GRAMD2B: variants seen among roughly 807,000 people sequenced by gnomAD.
GRAMD2B encodes the protein GRAM domain-containing protein 2B.
GRAMD2B carries 41 observed loss-of-function variants against 59.2 expected under a neutral mutation model. The ratio of observed to expected loss-of-function variants is 0.69; its 90% CI spans 0.54 to 0.90. The LOEUF (loss-of-function observed/expected upper bound fraction) is 0.90, where lower values mean the gene tolerates loss of function less well. GRAMD2B is among the 40% of genes least tolerant of loss of function. The pLI is 0.00. For synonymous variants in GRAMD2B, 161 were observed against 182.7 expected (o/e 0.88, Z 0.96); for missense variants, 424 against 500.5 (o/e 0.85, Z 1.46).
intron 2 of GRAMD2B, 43 bp from the exon 3 acceptor site, chr5:126,469,634 A>T: frequency 7.0e-7 from 1 of 1,432,948 alleles, no homozygotes; most frequent in Non-Finnish European, 9.7e-7. Context: ...AACTGTCTCA[A>T]AAAAAAATTA....
intron 1 of GRAMD2B, among the ~76,000 whole-genome samples, chr5:126,450,746 G>T (rs945630476): frequency 2.6e-5 from 4 of 152,004 alleles, no homozygotes; most frequent in African/African-American, 9.7e-5. Context: ...TACAGCTCGG[G>T]CTGCCACTCC....
chr5:126,464,211 C>T (rs1024712867), intron 1 of GRAMD2B, among the ~76,000 whole-genome samples: 2 of 152,140 alleles, frequency 1.3e-5, no homozygotes, highest in South Asian at 2.1e-4. Context: ...GCATTTCCTG[C>T]CTGCACAGTC....
Position 126,466,148 on chromosome 5 carries a change from G to C in GRAMD2B, c.203+603G>C. 3 of 1,284,320 alleles carry C rather than the reference G, an allele frequency of 2.3e-6. No individual in the cohort carries two copies. In the South Asian group the frequency reaches 4.6e-5, roughly 20 times the overall value. The allele number at this position is 1,284,320 out of a possible 1,614,324, so 79.6% of individuals were successfully genotyped here. A position where few individuals can be genotyped will look rare whatever the true frequency, so the allele number is the denominator to read the frequency against. On this transcript the variant is annotated intron_variant, in intron 2 of 13. Coordinates refer to ENST00000285689, the MANE Select transcript of GRAMD2B (RefSeq NM_023927.4). Reference sequence around the variant, plus strand: ...CGGTTAAACCAACAGTGTGTGATGGGTGAGTGCAGTTTATCTAAACTGAGT... The same window carrying C: ...CGGTTAAACCAACAGTGTGTGATGGCTGAGTGCAGTTTATCTAAACTGAGT...
chr5:126,451,698 C>T (rs143800915), intron 1 of GRAMD2B, among the ~76,000 whole-genome samples: 14 of 152,190 alleles, frequency 9.2e-5, no homozygotes, highest in East Asian at 1.9e-4. Context: ...GGGGGGCCAG[C>T]GGCAGAATGA....
At chr5:126,420,054 C>A (rs77466576), upstream of GRAMD2B, among the ~76,000 whole-genome samples, 312 of 103,622 alleles carry the variant, frequency 3.0e-3, no homozygotes, top group South Asian at 5.8e-3. Flanking sequence ...GACTCTTTCT[C>A]AAAAAAAAAA....
chr5:126,442,664 C>T (rs371086515), intron 1 of GRAMD2B, among the ~76,000 whole-genome samples: 1 of 152,128 alleles, frequency 6.6e-6, no homozygotes, highest in East Asian at 1.9e-4. Flanking sequence ...GAGCCCCCTG[C>T]TTAAAATCCG....
chr5:126,380,063 C>T lies in GRAMD2B; in HGVS notation c.125+8496C>T, dbSNP rs141035785. Among the ~76,000 whole-genome samples the T allele has an allele frequency of 4.3e-3, 659 of 152,222 alleles. 17 individuals are homozygous for T. Among genetic ancestry groups the T allele is most frequent in the Admixed American group, 0.04 (605 of 15,276 alleles). ...CAGGTCTTAGAGTAAAGCCTTTGTTCCATCTTGAGGAGATTTTTATATAAG... is the reference window on the plus strand; with the variant it reads ...CAGGTCTTAGAGTAAAGCCTTTGTTTCATCTTGAGGAGATTTTTATATAAG... On this transcript the variant is annotated intron_variant, in intron 1 of 8. Coordinates refer to the GRAMD2B transcript ENST00000506445.
intron 1 of GRAMD2B, among the ~76,000 whole-genome samples, chr5:126,387,178 C>T (rs1756225331): frequency 6.7e-6 from 1 of 149,804 alleles, no homozygotes; most frequent in Non-Finnish European, 1.5e-5. Flanking sequence ...CTTAAGTAAA[C>T]ATGGAAATAA....
chr5:126,380,806 T>C (rs1178135578), intron 1 of GRAMD2B, among the ~76,000 whole-genome samples: 1 of 152,062 alleles, frequency 6.6e-6, no homozygotes, highest in East Asian at 1.9e-4. Context: ...TTTGGATGAG[T>C]TTTTAGGGTT....
At chr5:126,375,957 G>A (rs1031783457) in intron 1 of GRAMD2B, among the ~76,000 whole-genome samples, 19 of 152,142 alleles carry the variant, frequency 1.2e-4, no homozygotes, top group African/African-American at 4.6e-4. Context: ...TTCAAAATTT[G>A]CAGAAATCAT....
chr5:126,460,056 T>G (rs1009196999), intron 1 of GRAMD2B, among the ~76,000 whole-genome samples: 7 of 152,212 alleles, frequency 4.6e-5, no homozygotes, highest in Admixed American at 2.0e-4. Flanking sequence ...ATTTCATCCT[T>G]ACGATGTAAC....
At chr5:126,416,296 G>A (rs1759259307) in intron 1 of GRAMD2B, among the ~76,000 whole-genome samples, 1 of 152,110 alleles carries the variant, frequency 6.6e-6, no homozygotes, top group Non-Finnish European at 1.5e-5. Flanking sequence ...TTTGTTATGA[G>A]GAGGAAATTA....
intron 1 of GRAMD2B, among the ~76,000 whole-genome samples, chr5:126,436,441 G>A (rs1762420155): frequency 6.6e-6 from 1 of 152,124 alleles, no homozygotes; most frequent in South Asian, 2.1e-4. Context: ...TTGAGGCCAG[G>A]AGTTGGAGGC....
rs143467917 is a variant in GRAMD2B at position 126,465,494 on chromosome 5, C to G, written c.152C>G (p.Thr51Ser). 6.4e-5 allele frequency: 103 copies of G among 1,614,142 alleles called. No homozygotes were observed. In the African/African-American group the frequency reaches 1.3e-3, roughly 20 times the overall value. Reference protein sequence around the residue: ...ACRSPTAQSPTPSVEADSPDQ... With the variant: ...ACRSPTAQSPSPSVEADSPDQ... Reference sequence around the variant, plus strand: ...AGGTCGCCAACAGCCCAATCCCCTACCCCATCTGTGGAGGCGGACTCCCCA... The same window carrying G: ...AGGTCGCCAACAGCCCAATCCCCTAGCCCATCTGTGGAGGCGGACTCCCCA... Residue 51 changes from threonine to serine, a missense_variant, in exon 2 of 14, where the codon ACC becomes AGC. Thr to Ser is a moderately conservative substitution (Grantham distance 58). Coordinates refer to ENST00000285689, the MANE Select transcript of GRAMD2B (RefSeq NM_023927.4).
chr5:126,435,436 C>T (rs544207391), intron 1 of GRAMD2B, among the ~76,000 whole-genome samples: 3 of 152,132 alleles, frequency 2.0e-5, no homozygotes, highest in African/African-American at 7.2e-5. Context: ...TTAGGGGTCT[C>T]CTGTGGCGTG....
At chr5:126,477,604 CT>C (rs1770866749) in intron 5 of GRAMD2B, 87 bp from the exon 6 acceptor site, 19 of 821,200 alleles carry the variant, frequency 2.3e-5, no homozygotes, top group Non-Finnish European at 3.0e-5. Flanking sequence ...TTCTGTTTAC[CT>C]TTTTTTTCTT....
intron 1 of GRAMD2B, among the ~76,000 whole-genome samples, chr5:126,455,178 C>G (rs34580094): frequency 6.6e-6 from 1 of 151,758 alleles, no homozygotes; most frequent in African/African-American, 2.4e-5. Context: ...TCTGTTTTCT[C>G]TTGTCTCCAG....
At chr5:126,483,866 G>A (rs1299145230) in intron 9 of GRAMD2B, among the ~76,000 whole-genome samples, 3 of 152,140 alleles carry the variant, frequency 2.0e-5, no homozygotes, top group Admixed American at 1.3e-4. Context: ...TTTTGTTTTT[G>A]TTTTTGAGGC....
In GRAMD2B at chr5:126,374,472, TTA is replaced by T. The variant is rs1231340884; in HGVS notation, c.125+2907_125+2908del. On this transcript the variant is annotated intron_variant, in intron 1 of 8. Coordinates refer to the GRAMD2B transcript ENST00000506445. Reference sequence around the variant, plus strand: ...AAATACTCCAGACGCTGATCTTTTGTTATGTGTTGCAAGTATTTTATTCCAAC... The same window carrying T: ...AAATACTCCAGACGCTGATCTTTTGTTGTGTTGCAAGTATTTTATTCCAAC... Among the ~76,000 whole-genome samples, 3 of 152,342 alleles carry T rather than the reference TTA, an allele frequency of 2.0e-5. No homozygotes were observed. In the East Asian group the frequency reaches 5.8e-4, roughly 29 times the overall value.
Sources: allele counts gnomAD v4.1 joint callset (sites outside exome capture counted in the v4.1 genomes callset), GRCh38; gene constraint gnomAD v4.1.1; transcripts MANE v1.5; gene names NCBI Gene and HGNC (gene_info 2026-07-23, HGNC 2026-07-21).